The following LTBP1 variants were observed in gnomAD, a reference collection of about 807,000 sequenced individuals.
LTBP1 encodes the protein latent transforming growth factor beta binding protein 1.
LTBP1 carries 129 observed loss-of-function variants against 207.6 expected under a neutral mutation model. The ratio of observed to expected loss-of-function variants is 0.62; its 90% CI spans 0.54 to 0.72. The LOEUF (loss-of-function observed/expected upper bound fraction) is 0.72, where lower values mean the gene tolerates loss of function less well. Ranked by LOEUF, LTBP1 falls within the 30% of genes least tolerant of loss-of-function variation. The pLI is 0.00. For missense variants in LTBP1, 2,281 were observed against 2,217.2 expected (o/e 1.03, Z -0.58); for synonymous variants, 963 against 833.7 (o/e 1.16, Z -2.67).
intron 2 of LTBP1, among the ~76,000 whole-genome samples, chr2:32,957,645 T>C (rs180781295): frequency 2.6e-5 from 4 of 152,272 alleles, no homozygotes; most frequent in Admixed American, 2.6e-4. Flanking sequence ...AAGTGTGAAA[T>C]ATTACGAGAA....
At chr2:33,280,841 C>T (rs1233560021) in intron 19 of LTBP1, among the ~76,000 whole-genome samples, 1 of 152,048 alleles carries the variant, frequency 6.6e-6, no homozygotes, top group African/African-American at 2.4e-5. Flanking sequence ...GGCCGAGGCA[C>T]GAGGATCACT....
intron 12 of LTBP1, 22 bp from the exon 13 acceptor site, chr2:33,259,566 C>T: frequency 6.3e-7 from 1 of 1,583,018 alleles, no homozygotes. Context: ...GTACTAATAC[C>T]CTTTTTCTTT....
rs1178224648 is a variant in LTBP1, at chr2:33,110,872, C to T, written c.1033+121C>T. On this transcript the variant is annotated intron_variant, in intron 4 of 33. Coordinates refer to ENST00000404816, the MANE Select transcript of LTBP1 (RefSeq NM_206943.4). The stretch of plus-strand genomic sequence containing the variant: ...TAAAATTCAAGAGTCATTAAAAAAT[C>T]CACATTGGTTCCTGAAGCAACCAGA... The T allele has an allele frequency of 6.2e-6, 6 of 961,146 alleles. No homozygotes were observed. The Admixed American group carries it at 1.7e-4, about 27-fold the overall frequency. 59.5% of individuals were successfully genotyped at this position (961,146 alleles called of 1,614,324 possible).
intron 3 of LTBP1, among the ~76,000 whole-genome samples, chr2:33,086,711 T>C (rs2078773472): frequency 6.6e-6 from 1 of 152,188 alleles, no homozygotes; most frequent in African/African-American, 2.4e-5. Flanking sequence ...TTAATACAAT[T>C]GTTATCTCTA....
At chr2:33,352,216 C>G (rs899721684) in intron 26 of LTBP1, among the ~76,000 whole-genome samples, 20 of 152,152 alleles carry the variant, frequency 1.3e-4, no homozygotes, top group African/African-American at 4.6e-4. Flanking sequence ...ACTGCAACCT[C>G]TACCTCCCGA....
chr2:33,239,507 G>A (rs2092212734), intron 9 of LTBP1, among the ~76,000 whole-genome samples: 1 of 152,094 alleles, frequency 6.6e-6, no homozygotes, highest in Non-Finnish European at 1.5e-5. Flanking sequence ...GGGAGAACAA[G>A]GAATAAATTC....
chr2:33,038,242 C>T (rs1223517126), intron 3 of LTBP1, among the ~76,000 whole-genome samples: 13 of 152,204 alleles, frequency 8.5e-5, no homozygotes, highest in East Asian at 7.7e-4. Flanking sequence ...TGCTTGTTTT[C>T]GTGTTTACCC....
In LTBP1 at chr2:33,361,412, G is replaced by C; in HGVS notation, c.4184-17G>C. The C allele has an allele frequency of 1.4e-6, 1 of 690,034 alleles. No homozygotes were observed. The highest frequency in any genetic ancestry group is 3.1e-5 in the South Asian group (1 of 32,148). 42.7% of individuals were successfully genotyped at this position (690,034 alleles called of 1,614,324 possible). ...GATGTTGAATCTTTTTTTTTTTTTT[G>C]TCTCTTCTAAAATCAGCTGAGTTCA... On this transcript the variant is annotated splice_polypyrimidine_tract_variant and intron_variant, in intron 27 of 33. Coordinates refer to ENST00000404816, the MANE Select transcript of LTBP1 (RefSeq NM_206943.4).
intron 24 of LTBP1, among the ~76,000 whole-genome samples, chr2:33,322,012 A>G (rs953947921): frequency 1.3e-5 from 2 of 152,212 alleles, no homozygotes; most frequent in Non-Finnish European, 2.9e-5. Context: ...TTTTTCTGGA[A>G]TGAGTTGCTT....
intron 2 of LTBP1, among the ~76,000 whole-genome samples, chr2:32,973,230 T>C (rs926446100): frequency 6.6e-6 from 1 of 152,166 alleles, no homozygotes; most frequent in Non-Finnish European, 1.5e-5. Flanking sequence ...TCTAATACTG[T>C]CAGTGGGTGT....
chr2:32,947,312 G>T lies in LTBP1; in HGVS notation c.-13G>T. 1 of 1,211,146 alleles carries T rather than the reference G, an allele frequency of 8.3e-7. No homozygotes were observed. The highest frequency in any genetic ancestry group is 1.0e-6 in the Non-Finnish European group (1 of 974,456). The allele number at this position is 1,211,146 out of a possible 1,614,324, so 75.0% of individuals were successfully genotyped here. On this transcript the variant is annotated 5_prime_UTR_variant, in exon 1 of 34. Coordinates refer to ENST00000404816, the MANE Select transcript of LTBP1 (RefSeq NM_206943.4). ...GGACCGCGCGCGACCGGTCGCGCCC[G>T]CTGGGGCCCGCGATGGCGGGGGCCT...
chr2:33,199,055 T>C (rs1303689686), intron 7 of LTBP1, among the ~76,000 whole-genome samples: 1 of 152,202 alleles, frequency 6.6e-6, no homozygotes, highest in Non-Finnish European at 1.5e-5. Context: ...AATTTCCCTC[T>C]ACACACTGCT....
chr2:33,145,079 T>C (rs1233130334), intron 5 of LTBP1, among the ~76,000 whole-genome samples: 2 of 152,156 alleles, frequency 1.3e-5, no homozygotes, highest in Non-Finnish European at 2.9e-5. Context: ...TGCCCTTCCA[T>C]TGCCAATTTA....
At chr2:33,145,746 T>A (rs1274878403) in intron 5 of LTBP1, among the ~76,000 whole-genome samples, 2 of 152,092 alleles carry the variant, frequency 1.3e-5, no homozygotes, top group Non-Finnish European at 2.9e-5. Context: ...TGAAAAAAAA[T>A]AACATTAATG....
At chr2:33,015,663 A>C (rs954313347) in intron 2 of LTBP1, among the ~76,000 whole-genome samples, 5 of 152,194 alleles carry the variant, frequency 3.3e-5, no homozygotes, top group African/African-American at 1.2e-4. Flanking sequence ...CACTTCTCAC[A>C]CTGCTATAAA....
chr2:33,362,831 T>A (rs2094941992), intron 28 of LTBP1, among the ~76,000 whole-genome samples: 1 of 152,164 alleles, frequency 6.6e-6, no homozygotes, highest in Non-Finnish European at 1.5e-5. Context: ...CTTCCTCTCT[T>A]ATTAGGTAGA....
chr2:33,360,650 A>C lies in LTBP1; in HGVS notation c.4054A>C (p.Asn1352His). 1 of 1,613,718 alleles carries C rather than the reference A, an allele frequency of 6.2e-7. No homozygotes were observed. Among genetic ancestry groups the C allele is most frequent in the African/African-American group, 1.3e-5 (1 of 75,024 alleles). ...AGAAGAAAAGAAAGAATGCTACTATAATCTCAATGACGCCAGTCTCTGTGA... is the reference window on the plus strand; with the variant it reads ...AGAAGAAAAGAAAGAATGCTACTATCATCTCAATGACGCCAGTCTCTGTGA... ...PKEEKKECYYNLNDASLCDNV... is the reference protein window; with the variant it reads ...PKEEKKECYYHLNDASLCDNV... The change falls in exon 27 of 34, where the codon AAT becomes CAT. Residue 1352 changes from asparagine (N) to histidine (H), a missense_variant. Asn to His is a moderately conservative substitution (Grantham distance 68). Coordinates refer to ENST00000404816, the MANE Select transcript of LTBP1 (RefSeq NM_206943.4).
chr2:33,328,818 A>C (rs575837692), intron 24 of LTBP1, among the ~76,000 whole-genome samples: 1 of 152,178 alleles, frequency 6.6e-6, no homozygotes, highest in Admixed American at 6.5e-5. Context: ...TCTTTTATTC[A>C]ACATTGCATT....
At chr2:33,252,880 C>G in intron 11 of LTBP1, 36 bp downstream of exon 11, 4 of 1,542,236 alleles carry the variant, frequency 2.6e-6, no homozygotes, top group Non-Finnish European at 3.5e-6. Flanking sequence ...ACATAGATTC[C>G]CAGCCACATG....
Sources: allele counts gnomAD v4.1 joint callset (sites outside exome capture counted in the v4.1 genomes callset), GRCh38; gene constraint gnomAD v4.1.1; transcripts MANE v1.5; gene names NCBI Gene and HGNC (gene_info 2026-07-23, HGNC 2026-07-21).